The following FHIP2B variants were observed in gnomAD, a reference collection of about 807,000 sequenced individuals.
FHIP2B encodes the protein FHF complex subunit HOOK-interacting protein 2B.
A neutral mutation model predicts 84.0 loss-of-function variants in FHIP2B; 72 were observed. That is an observed-to-expected ratio of 0.86 (90% CI 0.71 to 1.04). FHIP2B has a LOEUF of 1.04. Ranked by LOEUF, FHIP2B falls within the 50% of genes least tolerant of loss-of-function variation. The pLI, the probability that FHIP2B is intolerant of heterozygous loss-of-function variation, is 0.00. For synonymous variants in FHIP2B, 497 were observed against 418.7 expected (o/e 1.19, Z -2.28); for missense variants, 972 against 968.9 (o/e 1.00, Z -0.04).
chr8:22,098,561 T>C lies in FHIP2B; in HGVS notation c.907T>C (p.Ser303Pro), dbSNP rs1228406068. 6.2e-7 allele frequency: 1 copy of C among 1,609,906 alleles called. No homozygotes were observed. Among genetic ancestry groups the C allele is most frequent in the Admixed American group, 1.7e-5 (1 of 59,528 alleles). ...CCGGCACCTTTGCCAGTTGTACCGG[T>C]CCATGCCTGTCTTCCTGGACCCCGC... ...IVRHLCQLYR[S>P]MPVFLDPADI... is the part of the protein sequence containing the mutation. The change falls in exon 7 of 17, where the codon TCC becomes CCC. Residue 303 changes from serine (S) to proline (P), a missense_variant. Physicochemically the swap from Ser to Pro is moderately conservative, Grantham distance 74. Transcript: ENST00000289921.
rs766221374 is a variant in FHIP2B at position 22,101,821 on chromosome 8, G to GT, written c.1824dup (p.Asp609Ter). On this transcript the variant is annotated frameshift_variant, in exon 14 of 17. Transcript: ENST00000289921. LOFTEE classifies it high-confidence loss of function. ...TCGAGGGCCACTTCCTCCGAGTGCT[G>GT]TTTGACCGCATGTCCCGGATTCTGG... 2 of 1,613,650 alleles carry GT rather than the reference G, an allele frequency of 1.2e-6. No homozygotes were observed. Among genetic ancestry groups the GT allele is most frequent in the Non-Finnish European group, 1.7e-6 (2 of 1,179,822 alleles).
In FHIP2B at chr8:22,098,452, G is replaced by T. The variant is rs907759990; in HGVS notation, c.798G>T (p.Glu266Asp). ...KKSRVALKAQ[E>D]NLLLLVSMAS... ...GTCGGGTGGCCTTGAAGGCCCAGGAGAACCTGCTGCTCCTGGTGAGCATGG... is the reference window on the plus strand; with the variant it reads ...GTCGGGTGGCCTTGAAGGCCCAGGATAACCTGCTGCTCCTGGTGAGCATGG... The change falls in exon 7 of 17, where the codon GAG becomes GAT. Residue 266 changes from glutamate (E) to aspartate (D), a missense_variant. Transcript: ENST00000289921. 1.9e-6 allele frequency: 3 copies of T among 1,605,072 alleles called. No individual in the cohort carries two copies. The African/African-American group carries it at 4.0e-5, about 21-fold the overall frequency.
At chr8:22,100,179 T>TGAG (rs761713470) in intron 10 of FHIP2B, 56 of 434,070 alleles carry the variant, frequency 1.3e-4, no homozygotes, top group Admixed American at 5.4e-4. Context: ...AGCGATCCTC[T>TGAG]CACCTCAGCC....
Position 22,096,735 on chromosome 8 carries a change from TC to T in FHIP2B, c.297+227del. The T allele has an allele frequency of 5.4e-6, 3 of 557,422 alleles. No homozygotes were observed. The South Asian group carries it at 9.3e-5, about 17-fold the overall frequency. 34.5% of individuals were successfully genotyped at this position (557,422 alleles called of 1,614,324 possible). Reference sequence around the variant, plus strand: ...CAGTCCTGACACTGAAAGTGGCAGTTCGGGCGAGAGGAGCAAACAGGACGGG... The same window carrying T: ...CAGTCCTGACACTGAAAGTGGCAGTTGGGCGAGAGGAGCAAACAGGACGGG... On this transcript the variant is annotated intron_variant, in intron 3 of 16. Transcript: ENST00000289921.
Position 22,100,929 on chromosome 8 carries a change from A to G in FHIP2B, c.1573A>G (p.Thr525Ala). 6.2e-7 allele frequency: 1 copy of G among 1,613,942 alleles called. No individual in the cohort carries two copies. Among genetic ancestry groups the G allele is most frequent in the Non-Finnish European group, 8.5e-7 (1 of 1,179,894 alleles). ...CGCAAAGCCTCGCCTAGCTCCTGCTACCAGTTACGATGGCAAAACAGCAGT... is the reference window on the plus strand; with the variant it reads ...CGCAAAGCCTCGCCTAGCTCCTGCTGCCAGTTACGATGGCAAAACAGCAGT... Reference protein sequence around the residue: ...TPAKPRLAPATSYDGKTAVTE... With the variant: ...TPAKPRLAPAASYDGKTAVTE... Residue 525 changes from threonine to alanine, a missense_variant, in exon 12 of 17, where the codon ACC becomes GCC. Thr to Ala is a moderately conservative substitution (Grantham distance 58, BLOSUM62 0). Coordinates refer to ENST00000289921, the MANE Select transcript of FHIP2B (RefSeq NM_022749.7).
rs1464918113 is a variant in FHIP2B at position 22,099,917 on chromosome 8, T to C, written c.1341+24T>C. On this transcript the variant is annotated intron_variant, in intron 10 of 16. Coordinates refer to ENST00000289921, the MANE Select transcript of FHIP2B (RefSeq NM_022749.7). ...AGGTACAGTGGGGGACCTCCATCTC[T>C]GTTCCTCTCACCACCCCTGCCAGAG... 3 of 1,575,074 alleles carry C rather than the reference T, an allele frequency of 1.9e-6. No individual in the cohort carries two copies. The African/African-American group carries it at 4.1e-5, about 22-fold the overall frequency.
At position 22,096,494 on chromosome 8, in the gene FHIP2B, G is replaced by A. The variant is rs774432899; in HGVS notation, c.282G>A (p.Thr94=). ...ACAAGATCCTGGAGACTCTCTGCAC[G>A]CTGGGCAAGGCCGAGGTGGGAGGCC... ...LQHKILETLC[T]LGKAEYPPGM... is the part of the protein sequence containing the mutation. The change falls in exon 3 of 17, where the codon ACG becomes ACA. Residue 94 remains threonine (T), a synonymous_variant. Coordinates refer to ENST00000289921, the MANE Select transcript of FHIP2B (RefSeq NM_022749.7). 5.8e-6 allele frequency: 9 copies of A among 1,540,012 alleles called. No individual in the cohort carries two copies. The highest frequency in any genetic ancestry group is 5.5e-5 in the African/African-American group (4 of 72,894).
intron 1 of FHIP2B, among the ~76,000 whole-genome samples, chr8:22,092,037 A>T (rs2131682965): frequency 6.6e-6 from 1 of 152,338 alleles, no homozygotes; most frequent in African/African-American, 2.4e-5. Context: ...ATGTAGTGAG[A>T]TGCGGTCACT....
At chr8:22,096,122 T>C in intron 2 of FHIP2B, 1 of 514,166 alleles carries the variant, frequency 1.9e-6, no homozygotes, top group Non-Finnish European at 3.4e-6. Flanking sequence ...GCATGCGTTC[T>C]CAGAGGACTG....
rs1283789146 is a variant in FHIP2B, at chr8:22,098,989, A to C, written c.1007A>C (p.Lys336Thr). 6.2e-7 allele frequency: 1 copy of C among 1,608,416 alleles called. No individual in the cohort carries two copies. Among genetic ancestry groups the C allele is most frequent in the African/African-American group, 1.3e-5 (1 of 74,844 alleles). Residue 336 changes from lysine (K) to threonine (T), a missense_variant, in exon 8 of 17, where the codon AAG (lysine) becomes ACG (threonine). Transcript: ENST00000289921. ...APSDEASFPG[K>T]EALAAFLGWF... ...TCTGATGAGGCTTCCTTCCCTGGCAAGGAGGCCTTGGCTGCCTTCTTGGGC... is the reference window on the plus strand; with the variant it reads ...TCTGATGAGGCTTCCTTCCCTGGCACGGAGGCCTTGGCTGCCTTCTTGGGC...
At chr8:22,101,038 T>C in intron 12 of FHIP2B, 66 bp downstream of exon 12, 3 of 1,523,854 alleles carry the variant, frequency 2.0e-6, no homozygotes, top group East Asian at 4.9e-5. Context: ...TTTTTTGAGA[T>C]AGAGTCTCGC....
chr8:22,096,287 C>A, intron 2 of FHIP2B, 50 bp from the exon 3 acceptor site: 1 of 1,450,736 alleles, frequency 6.9e-7, no homozygotes, highest in South Asian at 1.5e-5. Context: ...GTTTTCAAGC[C>A]GGGGTGCCCC....
rs748893063 is a variant in FHIP2B at position 22,092,574 on chromosome 8, T to TTG, written c.46-1865_46-1864insGT. 6.7e-4 allele frequency among the ~76,000 whole-genome samples: 101 copies of TTG among 150,700 alleles called. 1 individual carries two copies. The highest frequency in any genetic ancestry group is 1.1e-3 in the Non-Finnish European group (77 of 67,524). On this transcript the variant is annotated intron_variant, in intron 1 of 16. Coordinates refer to ENST00000289921, the MANE Select transcript of FHIP2B (RefSeq NM_022749.7). ...CAGTGACGGTGAGACTCTTTTTTTT[T>TTG]TTTTTTGAGACTCTGTCTCAGAAGA... is the stretch of plus-strand genomic sequence containing the variant.
rs1826211393 is a variant in FHIP2B at position 22,102,938 on chromosome 8, AC to A, written c.*9del. 6.2e-7 allele frequency: 1 copy of A among 1,612,388 alleles called. No individual in the cohort carries two copies. The highest frequency in any genetic ancestry group is 8.5e-7 in the Non-Finnish European group (1 of 1,179,376). On this transcript the variant is annotated 3_prime_UTR_variant, in exon 17 of 17. Coordinates refer to ENST00000289921, the MANE Select transcript of FHIP2B (RefSeq NM_022749.7). Reference sequence around the variant, plus strand: ...CCCGGAAGGGCAGGTCTGAGCCAGCACCAGGGCGGTGGGAGACTCCTGTCCA... The same window carrying A: ...CCCGGAAGGGCAGGTCTGAGCCAGCACAGGGCGGTGGGAGACTCCTGTCCA...
chr8:22,094,128 GTC>G (rs1825642147), intron 1 of FHIP2B, among the ~76,000 whole-genome samples: 1 of 152,136 alleles, frequency 6.6e-6, no homozygotes, highest in African/African-American at 2.4e-5. Flanking sequence ...AATAATCTGT[GTC>G]TGTTTCCCCC....
In FHIP2B at chr8:22,102,848, G is replaced by A. The variant is rs201855595; in HGVS notation, c.2149G>A (p.Glu717Lys). ...GVVVLEEFCK[E>K]LAAIAFVKFP... Reference sequence around the variant, plus strand: ...GGTGGTGCTGGAGGAGTTCTGCAAGGAGCTGGCTGCCATTGCCTTCGTCAA... The same window carrying A: ...GGTGGTGCTGGAGGAGTTCTGCAAGAAGCTGGCTGCCATTGCCTTCGTCAA... Residue 717 changes from glutamate (E) to lysine (K), a missense_variant, in exon 17 of 17, where the codon GAG becomes AAG. Transcript: ENST00000289921. 6 of 1,613,724 alleles carry A rather than the reference G, an allele frequency of 3.7e-6. No individual in the cohort carries two copies. The African/African-American group carries it at 6.7e-5, about 18-fold the overall frequency.
At chr8:22,096,534 C>T in intron 3 of FHIP2B, 25 bp downstream of exon 3, 2 of 1,492,504 alleles carry the variant, frequency 1.3e-6, no homozygotes, top group South Asian at 1.3e-5. Flanking sequence ...GCGCGCTGGG[C>T]CAGGCCGAGG....
Position 22,096,805 on chromosome 8 carries a change from C to T in FHIP2B, c.297+296C>T, listed in dbSNP as rs1586326467. The T allele has an allele frequency of 2.4e-5, 7 of 297,766 alleles. No homozygotes were observed. In the South Asian group the frequency reaches 5.2e-4, roughly 22 times the overall value. 18.4% of individuals were successfully genotyped at this position (297,766 alleles called of 1,614,324 possible). A position where few individuals can be genotyped will look rare whatever the true frequency, so the allele number is the denominator to read the frequency against. ...TAGAACACTCCACCATCCCAGCGCT[C>T]CTGTTCCCAGTTCACTCCACAAAGA... On this transcript the variant is annotated intron_variant, in intron 3 of 16. Coordinates refer to ENST00000289921, the MANE Select transcript of FHIP2B (RefSeq NM_022749.7).
At chr8:22,091,173 A>C (rs1825471277) in intron 1 of FHIP2B, among the ~76,000 whole-genome samples, 1 of 148,556 alleles carries the variant, frequency 6.7e-6, no homozygotes, top group Admixed American at 6.7e-5. Flanking sequence ...TCAACTGATT[A>C]CTCATTGAGT....
Sources: gnomAD v4.1 joint callset for allele counts (sites outside exome capture counted in the v4.1 genomes callset) on GRCh38, gnomAD v4.1.1 for gene constraint, MANE v1.5 for transcripts, NCBI Gene and HGNC (gene_info 2026-07-23, HGNC 2026-07-21) for gene names.